The following IPO5 variants were observed in gnomAD, a reference collection of about 807,000 sequenced individuals.
IPO5 encodes importin-5.
Under a neutral mutation model 143.3 loss-of-function variants are expected in IPO5, and 18 were observed. The observed-to-expected ratio is 0.13, with a 90% CI of 0.09 to 0.19. The LOEUF (loss-of-function observed/expected upper bound fraction) is 0.19. Among genes scored for constraint, IPO5 ranks in the 10% least tolerant of loss-of-function variants. The pLI, the probability that IPO5 is intolerant of heterozygous loss-of-function variation, is 1.00. For synonymous variants in IPO5, 477 were observed against 465.7 expected, an observed-to-expected ratio of 1.02 and a Z score of -0.31; for missense variants, 1,013 against 1,336.9, an observed-to-expected ratio of 0.76 and a Z score of 3.78.
At chr13:97,995,190 T>G (rs521243) in intron 11 of IPO5, among the ~76,000 whole-genome samples, 17,996 of 150,324 alleles carry the variant, frequency 0.12, 1,682 homozygotes, top group African/African-American at 0.26. Context: ...TTTTTTTTTT[T>G]TTTGTTTGTT....
intron 2 of IPO5, among the ~76,000 whole-genome samples, chr13:97,961,164 C>A (rs1884850636): frequency 6.6e-6 from 1 of 152,172 alleles, no homozygotes; most frequent in Admixed American, 6.5e-5. Flanking sequence ...TTACTTTATT[C>A]TTTTATTGCG....
intron 16 of IPO5, 69 bp from the exon 17 acceptor site, chr13:98,006,061 G>A: frequency 1.0e-6 from 1 of 1,004,602 alleles, no homozygotes; most frequent in South Asian, 1.3e-5. Flanking sequence ...CTTGAAGGGA[G>A]TAGTAATTGT....
In IPO5 at chr13:98,024,150, T is replaced by C. The variant is rs1051423691; in HGVS notation, c.*2328T>C. On this transcript the variant is annotated 3_prime_UTR_variant, in exon 29 of 29. Transcript: ENST00000651721. ...CTTTGGCATAACTCAATTTGGAGTATTTTTTAAATGCTGTATCTTTAAAGA... is the reference window on the plus strand; with the variant it reads ...CTTTGGCATAACTCAATTTGGAGTACTTTTTAAATGCTGTATCTTTAAAGA... 6 of 152,202 alleles carry C rather than the reference T, an allele frequency of 3.9e-5. No individual in the cohort carries two copies. Among genetic ancestry groups the C allele is most frequent in the Non-Finnish European group, 8.8e-5 (6 of 68,042 alleles). The allele number at this position is 152,202 out of a possible 1,614,324, so 9.4% of individuals were successfully genotyped here. A position where few individuals can be genotyped will look rare whatever the true frequency, so the allele number is the denominator to read the frequency against.
intron 2 of IPO5, among the ~76,000 whole-genome samples, chr13:97,954,865 T>G (rs1016582420): frequency 6.6e-6 from 1 of 152,174 alleles, no homozygotes; most frequent in African/African-American, 2.4e-5. Context: ...GCGAGACAGA[T>G]TTGTGTTGGA....
At chr13:98,007,828 A>G (rs770473500) in intron 17 of IPO5, among the ~76,000 whole-genome samples, 2 of 152,242 alleles carry the variant, frequency 1.3e-5, no homozygotes, top group Non-Finnish European at 1.5e-5. Context: ...ACCTGATGCC[A>G]TTAGAAGTAC....
At chr13:97,991,459 G>T (rs991080861) in intron 9 of IPO5, among the ~76,000 whole-genome samples, 1 of 152,166 alleles carries the variant, frequency 6.6e-6, no homozygotes. Flanking sequence ...AAATAGTAAG[G>T]TTCTGAACAA....
At chr13:97,996,326 C>G (rs1888286557) in intron 11 of IPO5, among the ~76,000 whole-genome samples, 1 of 152,158 alleles carries the variant, frequency 6.6e-6, no homozygotes, top group South Asian at 2.1e-4. Context: ...GCTGGGATAA[C>G]AGGTGTGCAC....
chr13:97,994,811 T>A (rs1221928808), intron 11 of IPO5, among the ~76,000 whole-genome samples: 2 of 152,164 alleles, frequency 1.3e-5, no homozygotes, highest in Admixed American at 1.3e-4. Context: ...AACAAAGCCA[T>A]TTTTAAAAAG....
At chr13:97,961,243 T>C (rs1041579216) in intron 2 of IPO5, among the ~76,000 whole-genome samples, 1 of 152,250 alleles carries the variant, frequency 6.6e-6, no homozygotes, top group African/African-American at 2.4e-5. Context: ...GACAGTTGAA[T>C]TGTTTCCACT....
chr13:98,006,332 C>A lies in IPO5; in HGVS notation c.1700C>A (p.Ala567Asp). Residue 567 changes from alanine (A) to aspartate (D), a missense_variant, in exon 17 of 29, where the codon GCT (alanine) becomes GAT (aspartate). Around this residue, in one of 2 missense-constraint regions of IPO5, gnomAD observed 685 missense variants for 994.9 expected, o/e 0.69. Transcript: ENST00000651721. ...TIECISLIGL[A>D]VGKEKFMQDA... ...GAATGCATTAGCCTCATTGGTCTGG[C>A]TGTTGGGAAGGAAAAAGTAAGTAAT... is the stretch of plus-strand genomic sequence containing the variant. 1.9e-6 allele frequency: 2 copies of A among 1,058,298 alleles called. No homozygotes were observed. The highest frequency in any genetic ancestry group is 2.7e-6 in the Non-Finnish European group (2 of 743,404). 65.6% of individuals were successfully genotyped at this position (1,058,298 alleles called of 1,614,324 possible).
chr13:98,012,550 A>G (rs774069833), intron 21 of IPO5, among the ~76,000 whole-genome samples: 2 of 152,168 alleles, frequency 1.3e-5, no homozygotes, highest in Non-Finnish European at 2.9e-5. Flanking sequence ...GACCTATCCT[A>G]TGTTTGTCAG....
Position 98,018,553 on chromosome 13 carries a change from T to C in IPO5, c.2685T>C (p.Cys895=), listed in dbSNP as rs1419959861. 6.2e-7 allele frequency: 1 copy of C among 1,614,122 alleles called. No individual in the cohort carries two copies. Among genetic ancestry groups the C allele is most frequent in the Non-Finnish European group, 8.5e-7 (1 of 1,179,974 alleles). The change falls in exon 26 of 29, where the codon TGT becomes TGC. Residue 895 remains cysteine (C), a synonymous_variant. Coordinates refer to ENST00000651721, the MANE Select transcript of IPO5 (RefSeq NM_002271.6). ...TCTTTGATGATGTCATAGAACACTG[T>C]AGTCCAGCCTCATTTAAATACGCAG... ...LCIFDDVIEH[C]SPASFKYAEY...
chr13:97,955,607 A>G (rs1827406465), intron 2 of IPO5, among the ~76,000 whole-genome samples: 1 of 152,156 alleles, frequency 6.6e-6, no homozygotes, highest in African/African-American at 2.4e-5. Context: ...ACCACAACCC[A>G]GTGACATAAC....
Position 97,960,561 on chromosome 13 carries a change from G to GT in IPO5, c.-113+6377dup, listed in dbSNP as rs67034804. Among the ~76,000 whole-genome samples, 487 of 141,542 alleles carry GT rather than the reference G, an allele frequency of 3.4e-3. 2 individuals are homozygous for GT. Among genetic ancestry groups the GT allele is most frequent in the Non-Finnish European group, 4.7e-3 (306 of 64,656 alleles). The allele number at this position is 141,542 out of a possible 152,430, so 92.9% of individuals were successfully genotyped here. A position where few individuals can be genotyped will look rare whatever the true frequency, so the allele number is the denominator to read the frequency against. On this transcript the variant is annotated intron_variant, in intron 2 of 28. Transcript: ENST00000651721. ...TTTTACTTTTTATTTTATTTATTTG[G>GT]TTTTTTTTTTTTTTGAGATGGAGTT...
intron 20 of IPO5, among the ~76,000 whole-genome samples, chr13:98,012,043 T>G (rs1951067264): frequency 6.6e-6 from 1 of 151,976 alleles, no homozygotes; most frequent in South Asian, 2.1e-4. Context: ...TTTTTGTCAC[T>G]CACCAATACT....
At chr13:97,981,025 G>A (rs1886797477) in intron 4 of IPO5, among the ~76,000 whole-genome samples, 1 of 152,064 alleles carries the variant, frequency 6.6e-6, no homozygotes, top group African/African-American at 2.4e-5. Flanking sequence ...AGTCTCAAAG[G>A]TACATAACCA....
At position 98,022,840 on chromosome 13, in the gene IPO5, AGT is replaced by A. The variant is rs1890576174; in HGVS notation, c.*1021_*1022del. 6.6e-6 allele frequency: 1 copy of A among 152,652 alleles called. No individual in the cohort carries two copies. Among genetic ancestry groups the A allele is most frequent in the African/African-American group, 2.4e-5 (1 of 41,454 alleles). The allele number at this position is 152,652 out of a possible 1,614,324, so 9.5% of individuals were successfully genotyped here. On this transcript the variant is annotated 3_prime_UTR_variant, in exon 29 of 29. Coordinates refer to ENST00000651721, the MANE Select transcript of IPO5 (RefSeq NM_002271.6). The stretch of plus-strand genomic sequence containing the variant: ...CACAACTTTTGAACTTTTAATTATA[AGT>A]GTTATGGCTAAAGTTATTTACTGAA...
chr13:97,955,428 TG>T (rs751558980), intron 2 of IPO5, among the ~76,000 whole-genome samples: 2 of 152,170 alleles, frequency 1.3e-5, no homozygotes, highest in Non-Finnish European at 2.9e-5. Context: ...TGGAGACAGT[TG>T]TCATTTTATG....
intron 16 of IPO5, among the ~76,000 whole-genome samples, chr13:98,005,049 A>G (rs1005498405): frequency 1.4e-4 from 21 of 152,028 alleles, no homozygotes; most frequent in African/African-American, 4.3e-4. Context: ...ACGTGCACCC[A>G]CCACACCCGG....
Sources: allele counts gnomAD v4.1 joint callset (sites outside exome capture counted in the v4.1 genomes callset), GRCh38; gene constraint gnomAD v4.1.1; regional missense constraint gnomAD v4.1.1; transcripts MANE v1.5; gene names NCBI Gene and HGNC (gene_info 2026-07-23, HGNC 2026-07-21).